EPHA7: variants seen among roughly 807,000 people sequenced by gnomAD.
EPHA7 encodes the protein EPH receptor A7.
Under a neutral mutation model 112.6 loss-of-function variants are expected in EPHA7, and 25 were observed. The ratio of observed to expected loss-of-function variants is 0.22; its 90% CI spans 0.16 to 0.31. The LOEUF (loss-of-function observed/expected upper bound fraction) is 0.31. EPHA7 is among the 10% of genes least tolerant of loss of function. EPHA7 has a pLI of 1.00. For missense variants in EPHA7, 962 were observed against 1,212.6 expected, an observed-to-expected ratio of 0.79 and a Z score of 3.07; for synonymous variants, 437 against 406.5, an observed-to-expected ratio of 1.07 and a Z score of -0.90.
At position 93,243,510 on chromosome 6, in the gene EPHA7, A is replaced by G. The variant is rs774243019; in HGVS notation, c.2913T>C (p.Val971=). 1.2e-6 allele frequency: 2 copies of G among 1,613,532 alleles called. No homozygotes were observed. The highest frequency in any genetic ancestry group is 1.1e-5 in the South Asian group (1 of 91,074). ...EDVMSLGITL[V]GHQKKIMSSI... is the part of the protein sequence containing the mutation. ...TGCTCATGATTTTCTTTTGATGACC[A>G]ACCAGTGTGATCCCTAAACTCATCA... Residue 971 remains valine (V), a synonymous_variant, in exon 17 of 17, where the codon GTT becomes GTC. Coordinates refer to ENST00000369303, the MANE Select transcript of EPHA7 (RefSeq NM_004440.4).
intron 3 of EPHA7, among the ~76,000 whole-genome samples, chr6:93,384,618 T>C (rs1265103710): frequency 1.3e-5 from 2 of 152,170 alleles, no homozygotes; most frequent in Non-Finnish European, 2.9e-5. Context: ...TTGTTCATCA[T>C]GCTCACTGTG....
rs554847387 is a variant in EPHA7 at position 93,397,043 on chromosome 6, T to G, written c.832+13458A>C. Among the ~76,000 whole-genome samples the G allele has an allele frequency of 2.1e-3, 317 of 151,850 alleles. 4 individuals are homozygous for G. Among genetic ancestry groups the G allele is most frequent in the Non-Finnish European group, 3.5e-3 (240 of 67,790 alleles). On this transcript the variant is annotated intron_variant, in intron 3 of 16. Transcript: ENST00000369303. ...TAAAATTGAGAACATTATCAAATTATAGTTGAAAATAACTATCAATGAAAA... is the reference window on the plus strand; with the variant it reads ...TAAAATTGAGAACATTATCAAATTAGAGTTGAAAATAACTATCAATGAAAA...
chr6:93,368,678 A>C (rs1776633434), intron 3 of EPHA7, among the ~76,000 whole-genome samples: 1 of 152,170 alleles, frequency 6.6e-6, no homozygotes, highest in Non-Finnish European at 1.5e-5. Context: ...AATTAATTTC[A>C]TCTTAATTTC....
Position 93,358,251 on chromosome 6 carries a change from C to T in EPHA7, c.988+5G>A. On this transcript the variant is annotated splice_donor_5th_base_variant and intron_variant, in intron 4 of 16. Transcript: ENST00000369303. ...AAAGTCCTTTACTTTCATAATACAA[C>T]TCACTTGTGCACGCAACGTATGGTG... is the stretch of plus-strand genomic sequence containing the variant. 1.9e-6 allele frequency: 3 copies of T among 1,599,134 alleles called. No individual in the cohort carries two copies. Among genetic ancestry groups the T allele is most frequent in the Non-Finnish European group, 2.6e-6 (3 of 1,172,026 alleles).
intron 1 of EPHA7, among the ~76,000 whole-genome samples, chr6:93,415,392 T>C (rs189307192): frequency 1.6e-4 from 25 of 152,126 alleles, no homozygotes; most frequent in Admixed American, 1.2e-3. Flanking sequence ...TTTTTTAATT[T>C]CTTAATTTTC....
rs749659726 is a variant in EPHA7 at position 93,255,894 on chromosome 6, A to G, written c.2316T>C (p.Cys772=). Residue 772 remains cysteine (C), a synonymous_variant, in exon 13 of 17, where the codon TGT becomes TGC. Coordinates refer to ENST00000369303, the MANE Select transcript of EPHA7 (RefSeq NM_004440.4). ...RNILVNSNLV[C]KVSDFGLSRV... Reference sequence around the variant, plus strand: ...GGGACAGGCCAAAATCTGACACTTTACAAACGAGATTGCTGTTGACAAGAA... The same window carrying G: ...GGGACAGGCCAAAATCTGACACTTTGCAAACGAGATTGCTGTTGACAAGAA... 10 of 1,614,002 alleles carry G rather than the reference A, an allele frequency of 6.2e-6. No individual in the cohort carries two copies. In the East Asian group the frequency reaches 2.2e-4, roughly 36 times the overall value.
At chr6:93,245,920 A>G (rs1006876106) in intron 15 of EPHA7, among the ~76,000 whole-genome samples, 3 of 152,214 alleles carry the variant, frequency 2.0e-5, no homozygotes, top group Non-Finnish European at 2.9e-5. Context: ...TGTAAACCAG[A>G]GCATCAATCT....
chr6:93,287,729 T>C (rs1248507031), intron 5 of EPHA7, among the ~76,000 whole-genome samples: 3 of 152,042 alleles, frequency 2.0e-5, no homozygotes, highest in Non-Finnish European at 4.4e-5. Flanking sequence ...TTGTTCCCTC[T>C]GTGTGTCCAT....
intron 3 of EPHA7, among the ~76,000 whole-genome samples, chr6:93,403,579 G>A (rs894919430): frequency 6.6e-6 from 1 of 151,490 alleles, no homozygotes; most frequent in Non-Finnish European, 1.5e-5. Context: ...GTGCTGGGCT[G>A]TAGTGTGCTA....
At chr6:93,376,905 T>C (rs570483009) in intron 3 of EPHA7, among the ~76,000 whole-genome samples, 2 of 152,208 alleles carry the variant, frequency 1.3e-5, no homozygotes, top group Non-Finnish European at 2.9e-5. Context: ...ATTGCATCCC[T>C]AGCGTTCCGC....
At chr6:93,414,812 C>A (rs540816) in intron 1 of EPHA7, 45 bp from the exon 2 acceptor site, 721,042 of 1,473,652 alleles carry the variant, frequency 0.49, 183,028 homozygotes, top group African/African-American at 0.79. Context: ...GAAACACTTA[C>A]GCACACATGT....
At chr6:93,399,667 GCT>G (rs1228454320) in intron 3 of EPHA7, among the ~76,000 whole-genome samples, 2 of 151,902 alleles carry the variant, frequency 1.3e-5, no homozygotes, top group East Asian at 3.9e-4. Context: ...CCTCTTGTTG[GCT>G]CTGTGTGTGT....
Position 93,269,646 on chromosome 6 carries a change from C to T in EPHA7, c.1464G>A (p.Arg488=). ...ACTTGGTTTTTACTGTTGAGTAGGTCCGTTCCCTTTGATCCTAGAAACAAT... is the reference window on the plus strand; with the variant it reads ...ACTTGGTTTTTACTGTTGAGTAGGTTCGTTCCCTTTGATCCTAGAAACAAT... The part of the protein sequence containing the change: ...IKYYEKDQRE[R]TYSTVKTKST... Residue 488 remains arginine, a synonymous_variant, in exon 7 of 17, where the codon CGG becomes CGA. Transcript: ENST00000369303. 1 of 1,548,700 alleles carries T rather than the reference C, an allele frequency of 6.5e-7. No individual in the cohort carries two copies. Among genetic ancestry groups the T allele is most frequent in the Non-Finnish European group, 8.7e-7 (1 of 1,153,026 alleles).
chr6:93,333,330 T>C (rs188769885), intron 5 of EPHA7, among the ~76,000 whole-genome samples: 552 of 151,998 alleles, frequency 3.6e-3, no homozygotes, highest in Non-Finnish European at 6.2e-3. Context: ...CTACTGTAAA[T>C]TGTGCTGTGA....
intron 5 of EPHA7, among the ~76,000 whole-genome samples, chr6:93,280,737 A>T (rs1056484747): frequency 3.3e-5 from 5 of 152,164 alleles, no homozygotes; most frequent in African/African-American, 1.2e-4. Context: ...TTACATCATA[A>T]ATAGAATTGT....
intron 5 of EPHA7, among the ~76,000 whole-genome samples, chr6:93,325,698 C>A (rs1220063373): frequency 6.6e-6 from 1 of 151,302 alleles, no homozygotes; most frequent in Non-Finnish European, 1.5e-5. Context: ...CCAAGGTTAA[C>A]TGCAGTGCAG....
intron 5 of EPHA7, among the ~76,000 whole-genome samples, chr6:93,328,347 A>C (rs1337414595): frequency 6.6e-6 from 1 of 151,576 alleles, no homozygotes; most frequent in Non-Finnish European, 1.5e-5. Flanking sequence ...AACTTTTTAA[A>C]GACAGAGATT....
At chr6:93,412,028 C>A (rs1052566952) in intron 2 of EPHA7, among the ~76,000 whole-genome samples, 1 of 152,094 alleles carries the variant, frequency 6.6e-6, no homozygotes, top group Admixed American at 6.5e-5. Context: ...GAATTTGCAA[C>A]AATTTCAAAC....
intron 11 of EPHA7, among the ~76,000 whole-genome samples, 157 bp from the exon 12 acceptor site, chr6:93,257,680 TTA>T (rs1200354612): frequency 6.6e-6 from 1 of 152,040 alleles, no homozygotes; most frequent in Non-Finnish European, 1.5e-5. Flanking sequence ...CAAAAAGTCA[TTA>T]TATGTCTGCT....
Sources: allele counts gnomAD v4.1 joint callset (sites outside exome capture counted in the v4.1 genomes callset), GRCh38; gene constraint gnomAD v4.1.1; transcripts MANE v1.5; gene names NCBI Gene and HGNC (gene_info 2026-07-23, HGNC 2026-07-21).